Variants in EXOC6B observed in about 807,000 individuals in gnomAD.
EXOC6B encodes SEC15 homolog B.
A neutral mutation model predicts 113.5 loss-of-function variants in EXOC6B; 54 were observed. That is an observed-to-expected ratio of 0.48 (90% CI 0.38 to 0.60). The LOEUF (loss-of-function observed/expected upper bound fraction) is 0.60. Among genes scored for constraint, EXOC6B ranks in the 20% least tolerant of loss-of-function variants. The probability of loss-of-function intolerance (pLI) is 0.00; values close to 1 mark genes in which losing one functional copy is unlikely to be tolerated. For synonymous variants in EXOC6B, 357 were observed against 339.0 expected, an observed-to-expected ratio of 1.05 and a Z score of -0.58; for missense variants, 797 against 977.5, an observed-to-expected ratio of 0.82 and a Z score of 2.46.
Position 72,334,961 on chromosome 2 carries a change from T to G in EXOC6B, c.2182A>C (p.Ile728Leu). 6.2e-7 allele frequency: 1 copy of G among 1,613,380 alleles called. No homozygotes were observed. The highest frequency in any genetic ancestry group is 8.5e-7 in the Non-Finnish European group (1 of 1,179,512). ...FQEDTLQLAF[I>L]DLRQLLDLFI... ...CAAAGACTTACTTGTCTCAAGTCGA[T>G]GAAGGCCAACTGCAGCGTGTCCTCC... The change falls in exon 20 of 22, where the codon ATC becomes CTC. Residue 728 changes from isoleucine (I) to leucine (L), a missense_variant. Physicochemically the swap from Ile to Leu is conservative, Grantham distance 5. Transcript: ENST00000272427.
At chr2:72,669,359 AC>A (rs199898088) in intron 6 of EXOC6B, among the ~76,000 whole-genome samples, 33 of 151,768 alleles carry the variant, frequency 2.2e-4, no homozygotes, top group African/African-American at 7.0e-4. Context: ...TAAAAAAAAA[AC>A]AGAAGGGAAA....
chr2:72,328,006 A>C (rs1688227168), intron 20 of EXOC6B, among the ~76,000 whole-genome samples: 1 of 149,498 alleles, frequency 6.7e-6, no homozygotes, highest in African/African-American at 2.5e-5. Flanking sequence ...TATAAAGTCA[A>C]AGTTCTAGCT....
chr2:72,460,865 C>T (rs1246518771), intron 18 of EXOC6B, among the ~76,000 whole-genome samples: 52 of 151,570 alleles, frequency 3.4e-4, no homozygotes, highest in Middle Eastern at 6.8e-3. Context: ...TGGGTATATA[C>T]CCAAAGGACT....
At chr2:72,535,290 G>A (rs909187786) in intron 8 of EXOC6B, among the ~76,000 whole-genome samples, 21 of 152,106 alleles carry the variant, frequency 1.4e-4, no homozygotes, top group Admixed American at 9.2e-4. Flanking sequence ...AAATATTTGC[G>A]AAATGAATAA....
At chr2:72,402,732 T>G (rs1245075259) in intron 18 of EXOC6B, among the ~76,000 whole-genome samples, 1 of 152,204 alleles carries the variant, frequency 6.6e-6, no homozygotes, top group Non-Finnish European at 1.5e-5. Context: ...AACTAGATAC[T>G]TGAATAATAT....
intron 1 of EXOC6B, among the ~76,000 whole-genome samples, chr2:72,809,104 C>A (rs1685737495): frequency 6.6e-6 from 1 of 151,612 alleles, no homozygotes; most frequent in South Asian, 2.1e-4. Context: ...GCACAACAAA[C>A]AAATCAAAAT....
intron 5 of EXOC6B, among the ~76,000 whole-genome samples, chr2:72,730,125 T>C (rs1471877149): frequency 6.6e-6 from 1 of 152,168 alleles, no homozygotes; most frequent in Non-Finnish European, 1.5e-5. Flanking sequence ...CTGTAGATTT[T>C]CCTTTAGAAG....
intron 18 of EXOC6B, among the ~76,000 whole-genome samples, chr2:72,421,968 C>T (rs190420524): frequency 1.1e-4 from 16 of 152,342 alleles, no homozygotes; most frequent in African/African-American, 3.4e-4. Context: ...ACTTAGCACC[C>T]GGGCCAGTGG....
At chr2:72,207,499 G>T (rs936021229) in intron 20 of EXOC6B, among the ~76,000 whole-genome samples, 1 of 152,164 alleles carries the variant, frequency 6.6e-6, no homozygotes, top group Admixed American at 6.5e-5. Flanking sequence ...TCACGCAAAA[G>T]CACTCAGGAC....
intron 6 of EXOC6B, among the ~76,000 whole-genome samples, chr2:72,605,425 C>G (rs1462390048): frequency 6.6e-6 from 1 of 152,108 alleles, no homozygotes; most frequent in Non-Finnish European, 1.5e-5. Flanking sequence ...AGCTAATAAT[C>G]TCTTCCCAGT....
At chr2:72,617,728 T>C (rs995392192) in intron 6 of EXOC6B, among the ~76,000 whole-genome samples, 4 of 151,890 alleles carry the variant, frequency 2.6e-5, no homozygotes, top group African/African-American at 2.4e-5. Flanking sequence ...TTGGCCACAG[T>C]GGTCTCAAAT....
At chr2:72,189,860 C>CTTTTTTTCTTTTTTTTT (rs1678711755) in intron 20 of EXOC6B, among the ~76,000 whole-genome samples, 1 of 87,252 alleles carries the variant, frequency 1.1e-5, no homozygotes, top group African/African-American at 6.5e-5. Flanking sequence ...CCTTCTTCTT[C>CTTTTTTTCTTTTTTTTT]TTTTTTTTTT....
At chr2:72,380,984 A>G (rs1021839193) in intron 18 of EXOC6B, among the ~76,000 whole-genome samples, 1 of 152,216 alleles carries the variant, frequency 6.6e-6, no homozygotes, top group African/African-American at 2.4e-5. Context: ...AGAAAAATAC[A>G]GAATCATCAG....
At chr2:72,198,542 G>C (rs1027605153) in intron 20 of EXOC6B, among the ~76,000 whole-genome samples, 1 of 152,164 alleles carries the variant, frequency 6.6e-6, no homozygotes, top group South Asian at 2.1e-4. Flanking sequence ...GAATAAGAAA[G>C]TAAATAAATA....
At chr2:72,355,265 T>A (rs1013620175) in intron 19 of EXOC6B, among the ~76,000 whole-genome samples, 2 of 152,162 alleles carry the variant, frequency 1.3e-5, no homozygotes. Context: ...CCCTTGTAAA[T>A]CTATACGTTT....
Position 72,513,167 on chromosome 2 carries a change from G to A in EXOC6B, c.1132C>T (p.Leu378Phe), listed in dbSNP as rs1278266959. 1 of 1,613,310 alleles carries A rather than the reference G, an allele frequency of 6.2e-7. No individual in the cohort carries two copies. Among genetic ancestry groups the A allele is most frequent in the South Asian group, 1.1e-5 (1 of 91,066 alleles). Reference protein sequence around the residue: ...AYIDELWEMALSKTIAALRTH... With the variant: ...AYIDELWEMAFSKTIAALRTH... ...CGGAGTGCTGCGATGGTTTTTGAAA[G>A]TGCCATTTCCCACAGTTCATCAATG... The change falls in exon 11 of 22, where the codon CTT (leucine) becomes TTT (phenylalanine). Residue 378 changes from leucine (L) to phenylalanine (F), a missense_variant. By Grantham distance (22) the Leu-to-Phe change is conservative. Transcript: ENST00000272427.
chr2:72,719,272 C>T (rs925237257), intron 5 of EXOC6B, among the ~76,000 whole-genome samples: 38 of 152,122 alleles, frequency 2.5e-4, no homozygotes, highest in African/African-American at 9.2e-4. Flanking sequence ...AAGTAGCAAA[C>T]TCAGTAAAAA....
rs144184717 is a variant in EXOC6B, at chr2:72,484,093, C to T, written c.1666-3343G>A. Among the ~76,000 whole-genome samples the T allele has an allele frequency of 5.0e-3, 748 of 150,634 alleles. 3 individuals carry two copies. Among genetic ancestry groups the T allele is most frequent in the African/African-American group, 0.017 (699 of 41,090 alleles). ...TTTTTCTGTCTCTCCTTCCTTGTAT[C>T]GGAGAAAATCTAACAAGAAAGGTAC... On this transcript the variant is annotated intron_variant, in intron 16 of 21. Coordinates refer to ENST00000272427, the MANE Select transcript of EXOC6B (RefSeq NM_015189.3).
At chr2:72,780,975 G>A (rs1573786083) in intron 1 of EXOC6B, among the ~76,000 whole-genome samples, 2 of 151,718 alleles carry the variant, frequency 1.3e-5, no homozygotes, top group African/African-American at 4.8e-5. Context: ...TTTTTATTTT[G>A]TGCTTACAAG....
Sources: gnomAD v4.1 joint callset for allele counts (sites outside exome capture counted in the v4.1 genomes callset) on GRCh38, gnomAD v4.1.1 for gene constraint, MANE v1.5 for transcripts, NCBI Gene and HGNC (gene_info 2026-07-23, HGNC 2026-07-21) for gene names.